The following PTCHD4 variants were observed in gnomAD, a reference collection of about 807,000 sequenced individuals.
PTCHD4 encodes patched domain-containing protein 4.
A neutral mutation model predicts 58.1 loss-of-function variants in PTCHD4; 33 were observed. That is an observed-to-expected ratio of 0.57 (90% confidence interval 0.43 to 0.76). PTCHD4 has a LOEUF of 0.76. PTCHD4 is among the 30% of genes least tolerant of loss of function. PTCHD4 has a pLI of 0.00. For missense variants in PTCHD4, 1,058 were observed against 1,027.1 expected (o/e 1.03, Z -0.41); for synonymous variants, 478 against 409.6 (o/e 1.17, Z -2.02).
In PTCHD4 at chr6:47,864,305, G is replaced by T. The variant is rs907637926; in HGVS notation, c.*13998C>A. ...TATAAATGGAGCCCATTATTTTTGA[G>T]ATATATATATACACACACACACACA... is the stretch of plus-strand genomic sequence containing the variant. On this transcript the variant is annotated 3_prime_UTR_variant, in exon 5 of 5. Coordinates refer to ENST00000339488, the MANE Select transcript of PTCHD4 (RefSeq NM_001384253.1). 6.7e-6 allele frequency among the ~76,000 whole-genome samples: 1 copy of T among 148,320 alleles called. No homozygotes were observed. Among genetic ancestry groups the T allele is most frequent in the East Asian group, 2.0e-4 (1 of 4,962 alleles).
intron 4 of PTCHD4, among the ~76,000 whole-genome samples, chr6:47,932,517 A>G (rs1765859793): frequency 6.6e-6 from 1 of 152,226 alleles, no homozygotes. Context: ...CTGACATGTG[A>G]GAGAAATTTC....
intron 4 of PTCHD4, among the ~76,000 whole-genome samples, chr6:47,993,137 C>A (rs558146042): frequency 6.6e-6 from 1 of 152,158 alleles, no homozygotes; most frequent in African/African-American, 2.4e-5. Flanking sequence ...AACAATTATA[C>A]GTCAAACTAC....
intron 4 of PTCHD4, among the ~76,000 whole-genome samples, chr6:47,987,635 C>T (rs1301230709): frequency 6.6e-6 from 1 of 152,108 alleles, no homozygotes; most frequent in Non-Finnish European, 1.5e-5. Flanking sequence ...TGAGAGGGTT[C>T]AGAAATTTAA....
intron 4 of PTCHD4, among the ~76,000 whole-genome samples, chr6:47,990,598 T>C (rs866125611): frequency 6.6e-6 from 1 of 152,162 alleles, no homozygotes; most frequent in South Asian, 2.1e-4. Context: ...CACCACCATA[T>C]AAGAAGTACC....
chr6:47,970,945 T>G (rs1767483878), intron 4 of PTCHD4, among the ~76,000 whole-genome samples: 1 of 152,180 alleles, frequency 6.6e-6, no homozygotes, highest in African/African-American at 2.4e-5. Context: ...AATATCAAAC[T>G]CAAGATTTGA....
In PTCHD4 at chr6:48,034,216, A is replaced by C. The variant is rs1000650749; in HGVS notation, c.418-25102T>G. The stretch of plus-strand genomic sequence containing the variant: ...AGCTTTTGACTAAAATTACCTGTAC[A>C]GTGTCTGTTGTGTGACAAATATAAT... On this transcript the variant is annotated intron_variant, in intron 3 of 4. Coordinates refer to ENST00000339488, the MANE Select transcript of PTCHD4 (RefSeq NM_001384253.1). Among the ~76,000 whole-genome samples, 3 of 152,140 alleles carry C rather than the reference A, an allele frequency of 2.0e-5. No individual in the cohort carries two copies. In the East Asian group the frequency reaches 5.8e-4, roughly 29 times the overall value.
intron 3 of PTCHD4, among the ~76,000 whole-genome samples, chr6:48,054,866 A>T (rs531538147): frequency 6.6e-6 from 1 of 152,180 alleles, no homozygotes; most frequent in South Asian, 2.1e-4. Flanking sequence ...TGATGTTAGG[A>T]TTCTGAGTTT....
rs754096301 is a variant in PTCHD4 at position 48,008,659 on chromosome 6, C to T, written c.873G>A (p.Leu291=). Residue 291 remains leucine, a synonymous_variant, in exon 4 of 5, where the codon CTG becomes CTA. Transcript: ENST00000339488. ...FITDGKYNST[L]LGIPFFAMGH... is the part of the protein sequence containing the mutation. ...CCATGGCGAAGAACGGGATTCCCAG[C>T]AGGGTGGAGTTGTACTTTCCATCGG... 1.9e-6 allele frequency: 3 copies of T among 1,613,140 alleles called. No homozygotes were observed. Among genetic ancestry groups the T allele is most frequent in the Non-Finnish European group, 2.5e-6 (3 of 1,179,572 alleles).
chr6:47,883,623 T>G (rs533370416), intron 4 of PTCHD4, among the ~76,000 whole-genome samples: 1 of 152,170 alleles, frequency 6.6e-6, no homozygotes, highest in African/African-American at 2.4e-5. Flanking sequence ...TATGGAGAGA[T>G]AAAAGTTTAA....
intron 3 of PTCHD4, among the ~76,000 whole-genome samples, chr6:48,036,631 C>T (rs115414110): frequency 0.011 from 1,703 of 152,108 alleles, 37 homozygotes; most frequent in African/African-American, 0.037. Context: ...TTCAAGGAAC[C>T]GTTACTTAAT....
chr6:47,861,014 C>T lies in PTCHD4; in HGVS notation c.*17289G>A, dbSNP rs1246840134. 6.6e-6 allele frequency among the ~76,000 whole-genome samples: 1 copy of T among 151,854 alleles called. No individual in the cohort carries two copies. Among genetic ancestry groups the T allele is most frequent in the Non-Finnish European group, 1.5e-5 (1 of 67,926 alleles). On this transcript the variant is annotated 3_prime_UTR_variant, in exon 5 of 5. Coordinates refer to ENST00000339488, the MANE Select transcript of PTCHD4 (RefSeq NM_001384253.1). ...AGAAGATAGAAAGTGCCCCTGGATG[C>T]CTCTCTAATCATTATTTTAGTGGAA...
intron 4 of PTCHD4, among the ~76,000 whole-genome samples, chr6:47,986,228 A>G (rs966668711): frequency 6.6e-6 from 1 of 152,154 alleles, no homozygotes; most frequent in Non-Finnish European, 1.5e-5. Context: ...CCTTCAGCCA[A>G]TTATTAAAAT....
chr6:47,896,554 T>C (rs1561944423), intron 4 of PTCHD4, among the ~76,000 whole-genome samples: 1 of 152,232 alleles, frequency 6.6e-6, no homozygotes, highest in Non-Finnish European at 1.5e-5. Flanking sequence ...ATATTCAATT[T>C]TAGGAGTTAA....
chr6:47,950,163 G>C (rs976473461), intron 4 of PTCHD4, among the ~76,000 whole-genome samples: 2 of 151,734 alleles, frequency 1.3e-5, no homozygotes, highest in African/African-American at 4.8e-5. Context: ...AGTTTGCTGA[G>C]AATGATGGTT....
At chr6:48,036,210 AAG>A (rs1292027031) in intron 3 of PTCHD4, among the ~76,000 whole-genome samples, 5 of 152,056 alleles carry the variant, frequency 3.3e-5, no homozygotes, top group Non-Finnish European at 7.4e-5. Context: ...TACTTAAGCG[AAG>A]AGTTTCAAGA....
intron 1 of PTCHD4, among the ~76,000 whole-genome samples, chr6:48,099,987 G>A (rs1384308154): frequency 6.6e-6 from 1 of 152,136 alleles, no homozygotes; most frequent in Non-Finnish European, 1.5e-5. Flanking sequence ...ATTTTCCACA[G>A]CATGGCAAAT....
At chr6:48,089,785 C>A (rs992227917) in intron 1 of PTCHD4, among the ~76,000 whole-genome samples, 3 of 152,180 alleles carry the variant, frequency 2.0e-5, no homozygotes, top group Non-Finnish European at 4.4e-5. Flanking sequence ...TTGTGAATCA[C>A]AATTTTATGT....
intron 4 of PTCHD4, among the ~76,000 whole-genome samples, chr6:47,958,020 G>A (rs919902491): frequency 4.3e-4 from 65 of 152,222 alleles, no homozygotes; most frequent in African/African-American, 1.6e-3. Context: ...AGAATTCTCA[G>A]TATTTAAGAA....
intron 3 of PTCHD4, among the ~76,000 whole-genome samples, chr6:48,024,817 A>G (rs1336066552): frequency 6.6e-6 from 1 of 152,194 alleles, no homozygotes. Flanking sequence ...AAGTTTCTCC[A>G]CTGAAGGATC....
Sources: allele counts gnomAD v4.1 joint callset (sites outside exome capture counted in the v4.1 genomes callset), GRCh38; gene constraint gnomAD v4.1.1; transcripts MANE v1.5; gene names NCBI Gene and HGNC (gene_info 2026-07-23, HGNC 2026-07-21).